Variants in WDPCP observed in about 807,000 individuals in gnomAD.
WDPCP encodes the protein WD repeat containing planar cell polarity effector.
In WDPCP, 71 loss-of-function variants were observed where a neutral mutation model predicts 93.1. That is an observed-to-expected ratio of 0.76 (90% CI 0.63 to 0.93). WDPCP has a LOEUF of 0.93. Among genes scored for constraint, WDPCP ranks in the 40% least tolerant of loss-of-function variants. The probability of loss-of-function intolerance (pLI) is 0.00; values close to 1 mark genes in which losing one functional copy is unlikely to be tolerated. For missense variants in WDPCP, 844 were observed against 887.4 expected (o/e 0.95, Z 0.62); for synonymous variants, 315 against 315.0 (o/e 1.00, Z 0.00).
At chr2:63,575,334 TG>T (rs1351870863) in intron 1 of WDPCP, among the ~76,000 whole-genome samples, 4 of 134,718 alleles carry the variant, frequency 3.0e-5, no homozygotes, top group South Asian at 2.3e-4. Context: ...ACAGTATATA[TG>T]GTATATACTG....
intron 3 of WDPCP, among the ~76,000 whole-genome samples, chr2:63,602,347 G>GTTTTTTTTTTTTTT (rs144884000): frequency 1.9e-5 from 2 of 104,004 alleles, no homozygotes; most frequent in African/African-American, 3.7e-5. Flanking sequence ...GTTGGTTGGG[G>GTTTTTTTTTTTTTT]TTTTTTTTTT....
At chr2:63,581,035 T>C (rs1373985559) in intron 1 of WDPCP, among the ~76,000 whole-genome samples, 1 of 152,088 alleles carries the variant, frequency 6.6e-6, no homozygotes. Context: ...TTACAATTCT[T>C]CAGTAAATTT....
Position 63,502,513 on chromosome 2 carries a change from G to T in WDPCP, c.76-9573C>A, listed in dbSNP as rs28594487. 8.7e-4 allele frequency among the ~76,000 whole-genome samples: 133 copies of T among 152,120 alleles called. No homozygotes were observed. The Middle Eastern group carries it at 0.01, about 12-fold the overall frequency. On this transcript the variant is annotated intron_variant, in intron 1 of 17. Coordinates refer to ENST00000272321, the MANE Select transcript of WDPCP (RefSeq NM_015910.7). ...CCAAGTTTTAAGTTGTTGCCAACCTGGTAGGTGAAAATTTATCTTGTAATT... is the reference window on the plus strand; with the variant it reads ...CCAAGTTTTAAGTTGTTGCCAACCTTGTAGGTGAAAATTTATCTTGTAATT...
At chr2:63,240,543 G>C (rs1218278487) in intron 14 of WDPCP, among the ~76,000 whole-genome samples, 2 of 151,930 alleles carry the variant, frequency 1.3e-5, no homozygotes, top group African/African-American at 4.8e-5. Flanking sequence ...TCCACATTTT[G>C]GAATTATTGA....
At chr2:63,231,378 G>A (rs940665648) in intron 14 of WDPCP, among the ~76,000 whole-genome samples, 14 of 152,130 alleles carry the variant, frequency 9.2e-5, no homozygotes, top group Non-Finnish European at 1.6e-4. Context: ...TAGGAAAAGA[G>A]GAAGTCAAAT....
intron 12 of WDPCP, among the ~76,000 whole-genome samples, chr2:63,364,456 A>T (rs763387410): frequency 6.6e-6 from 1 of 152,064 alleles, no homozygotes; most frequent in Non-Finnish European, 1.5e-5. Context: ...AATTGCCTTA[A>T]TCTGTCTTTC....
chr2:63,623,980 CAGTCACTCAAACCAT>C (rs1420618263), intron 3 of WDPCP, among the ~76,000 whole-genome samples: 1 of 152,186 alleles, frequency 6.6e-6, no homozygotes. Flanking sequence ...TCATAACAAA[CAGTCACTCAAACCAT>C]AGTGCAATCA....
At chr2:63,669,390 C>T (rs1191583958) in intron 2 of WDPCP, among the ~76,000 whole-genome samples, 1 of 150,182 alleles carries the variant, frequency 6.7e-6, no homozygotes, top group Non-Finnish European at 1.5e-5. Context: ...GACTAAGTCT[C>T]ACTCTATCAC....
In WDPCP at chr2:63,207,443, C is replaced by A. The variant is rs72813438; in HGVS notation, c.1916-32611G>T. Among the ~76,000 whole-genome samples, 12 of 152,236 alleles carry A rather than the reference C, an allele frequency of 7.9e-5. No homozygotes were observed. In the South Asian group the frequency reaches 2.5e-3, roughly 32 times the overall value. On this transcript the variant is annotated intron_variant, in intron 14 of 17. Transcript: ENST00000272321. ...CCAGCCATGCCTCCTGTACAGCCTG[C>A]GGAACTATGAGTCAATTAAACCTCT...
At chr2:63,545,299 G>A (rs759201062) in intron 1 of WDPCP, among the ~76,000 whole-genome samples, 1 of 151,632 alleles carries the variant, frequency 6.6e-6, no homozygotes, top group Non-Finnish European at 1.5e-5. Context: ...ATGTGTGTGT[G>A]TGTGTGCACG....
chr2:63,726,788 T>C (rs1558895922), intron 2 of WDPCP, among the ~76,000 whole-genome samples: 1 of 152,168 alleles, frequency 6.6e-6, no homozygotes, highest in Non-Finnish European at 1.5e-5. Context: ...TTCCTAGGCA[T>C]TTTATTCCTT....
intron 14 of WDPCP, among the ~76,000 whole-genome samples, chr2:63,254,511 T>C (rs1680981529): frequency 6.6e-6 from 1 of 152,144 alleles, no homozygotes. Context: ...TATATTAATA[T>C]AAACTTTAAA....
intron 2 of WDPCP, among the ~76,000 whole-genome samples, chr2:63,681,614 A>T (rs1710491627): frequency 6.6e-6 from 1 of 152,044 alleles, no homozygotes; most frequent in African/African-American, 2.4e-5. Context: ...GCAACTCACC[A>T]CCTTGAAGGG....
At chr2:63,727,778 G>A (rs1283612905) in intron 2 of WDPCP, among the ~76,000 whole-genome samples, 1 of 152,092 alleles carries the variant, frequency 6.6e-6, no homozygotes, top group Non-Finnish European at 1.5e-5. Context: ...TTCAGTCTTG[G>A]GAAGTTGTAT....
intron 12 of WDPCP, among the ~76,000 whole-genome samples, chr2:63,315,031 G>A (rs1686528100): frequency 6.6e-6 from 1 of 152,110 alleles, no homozygotes; most frequent in East Asian, 1.9e-4. Context: ...TGGTGAAACA[G>A]AAATAACAAA....
chr2:63,720,460 A>T (rs977876266), intron 2 of WDPCP, among the ~76,000 whole-genome samples: 4 of 151,860 alleles, frequency 2.6e-5, no homozygotes, highest in Admixed American at 2.6e-4. Context: ...ACAAAAAAGT[A>T]CTATCCTCAA....
rs111563479 is a variant in WDPCP, at chr2:63,709,314, C to T, written n.309-58476G>A. ...TGGGTAACAGACCGAAACTCCGTCCCGAAAAAAAGAATGGAAAATTTAGCT... is the reference window on the plus strand; with the variant it reads ...TGGGTAACAGACCGAAACTCCGTCCTGAAAAAAAGAATGGAAAATTTAGCT... On this transcript the variant is annotated intron_variant and non_coding_transcript_variant, in intron 2 of 4. Coordinates refer to the WDPCP transcript ENST00000467687. 8.7e-3 allele frequency among the ~76,000 whole-genome samples: 1,320 copies of T among 151,896 alleles called. 8 individuals are homozygous for T. Among genetic ancestry groups the T allele is most frequent in the Non-Finnish European group, 0.013 (854 of 67,974 alleles).
chr2:63,710,688 T>C (rs1287790988), intron 2 of WDPCP, among the ~76,000 whole-genome samples: 1 of 152,090 alleles, frequency 6.6e-6, no homozygotes, highest in Admixed American at 6.5e-5. Flanking sequence ...ATTAGACCAT[T>C]TTGCGATTGT....
At chr2:63,233,655 T>A (rs962213716) in intron 14 of WDPCP, 1 of 153,782 alleles carries the variant, frequency 6.5e-6, no homozygotes, top group Non-Finnish European at 1.5e-5. Context: ...AAGCCAAGCC[T>A]CCTGGCAACC....
Sources: gnomAD v4.1 joint callset for allele counts (sites outside exome capture counted in the v4.1 genomes callset) on GRCh38, gnomAD v4.1.1 for gene constraint, MANE v1.5 for transcripts, NCBI Gene and HGNC (gene_info 2026-07-23, HGNC 2026-07-21) for gene names.